The following HTRA3 variants were observed in gnomAD, a reference collection of about 807,000 sequenced individuals.
HTRA3 encodes HtrA serine peptidase 3.
In HTRA3, 41 loss-of-function variants were observed where a neutral mutation model predicts 43.2. The ratio of observed to expected loss-of-function variants is 0.95; its 90% CI spans 0.74 to 1.23. HTRA3 has a LOEUF of 1.23. HTRA3 is among the 50% of genes most tolerant of loss of function. HTRA3 has a pLI of 0.00. For synonymous variants in HTRA3, 295 were observed against 287.9 expected (o/e 1.02, Z -0.25); for missense variants, 628 against 647.1 (o/e 0.97, Z 0.32).
At chr4:8,294,345 C>G in intron 6 of HTRA3, 144 bp downstream of exon 6, 1 of 583,782 alleles carries the variant, frequency 1.7e-6, no homozygotes, top group Non-Finnish European at 3.0e-6. Context: ...GTCTGCCCAC[C>G]CCAAAGCTGT....
In HTRA3 at chr4:8,270,051, G is replaced by T; in HGVS notation, c.83G>T (p.Arg28Leu). The change falls in exon 1 of 9, where the codon CGC (arginine) becomes CTC (leucine). Residue 28 changes from arginine to leucine, a missense_variant. Coordinates refer to ENST00000307358, the MANE Select transcript of HTRA3 (RefSeq NM_053044.5). ...CCCCCTGCGGCGCCGTGTCCCGCGC[G>T]CTGCGACGTGTCGCGGTGTCCCAGC... ...REPPAAPCPA[R>L]CDVSRCPSPR... The T allele has an allele frequency of 4.8e-6, 7 of 1,459,204 alleles. No homozygotes were observed. Among genetic ancestry groups the T allele is most frequent in the Non-Finnish European group, 6.3e-6 (7 of 1,113,160 alleles). The allele number at this position is 1,459,204 out of a possible 1,614,324, so 90.4% of individuals were successfully genotyped here.
chr4:8,304,259 G>C lies in HTRA3; in HGVS notation c.1176G>C (p.Ala392=), dbSNP rs367686402. Residue 392 remains alanine, a synonymous_variant, in exon 8 of 9, where the codon GCG becomes GCC. Transcript: ENST00000307358. The part of the protein sequence containing the change: ...VSSGIYVQEV[A]PNSPSQRGGI... The stretch of plus-strand genomic sequence containing the variant: ...GTGGAATTTATGTGCAAGAGGTTGC[G>C]CCGAATTCACCTTCTCAGAGGTAGG... 2 of 1,614,102 alleles carry C rather than the reference G, an allele frequency of 1.2e-6. No individual in the cohort carries two copies. The highest frequency in any genetic ancestry group is 2.2e-5 in the South Asian group (2 of 91,072).
chr4:8,304,264 A>T lies in HTRA3; in HGVS notation c.1181A>T (p.Asn394Ile), dbSNP rs1215587965. Residue 394 changes from asparagine (N) to isoleucine (I), a missense_variant, in exon 8 of 9, where the codon AAT (asparagine) becomes ATT (isoleucine). Physicochemically the swap from Asn to Ile is moderately radical, Grantham distance 149. Transcript: ENST00000307358. ...ATTTATGTGCAAGAGGTTGCGCCGA[A>T]TTCACCTTCTCAGAGGTAGGCTCTG... The part of the protein sequence containing the change: ...SGIYVQEVAP[N>I]SPSQRGGIQD... 6.2e-7 allele frequency: 1 copy of T among 1,613,998 alleles called. No individual in the cohort carries two copies. The highest frequency in any genetic ancestry group is 8.5e-7 in the Non-Finnish European group (1 of 1,179,950).
At chr4:8,273,696 G>A (rs576518613) in intron 1 of HTRA3, among the ~76,000 whole-genome samples, 15 of 152,026 alleles carry the variant, frequency 9.9e-5, no homozygotes, top group Non-Finnish European at 1.8e-4. Flanking sequence ...GGAGCACCAC[G>A]ATGTTCAGTG....
rs145155768 is a variant in HTRA3 at position 8,297,856 on chromosome 4, G to A, written c.1051+3655G>A. Among the ~76,000 whole-genome samples the A allele has an allele frequency of 6.7e-4, 102 of 152,258 alleles. No homozygotes were observed. The highest frequency in any genetic ancestry group is 3.4e-3 in the Middle Eastern group (1 of 294). The stretch of plus-strand genomic sequence containing the variant: ...TGGGATGGACCCACCAATGTCCACA[G>A]GCAGTTCCCACTAAGAGCACCTGTC... On this transcript the variant is annotated intron_variant, in intron 6 of 8. Coordinates refer to ENST00000307358, the MANE Select transcript of HTRA3 (RefSeq NM_053044.5). This position sits in a 1 kb window ranked among gnomAD's most constrained non-coding sequence, Gnocchi z 5.8.
Position 8,269,847 on chromosome 4 carries a change from G to C in HTRA3, c.-122G>C. 1 of 320,602 alleles carries C rather than the reference G, an allele frequency of 3.1e-6. No individual in the cohort carries two copies. Among genetic ancestry groups the C allele is most frequent in the South Asian group, 1.2e-4 (1 of 8,430 alleles). The allele number at this position is 320,602 out of a possible 1,614,324, so 19.9% of individuals were successfully genotyped here. A position where few individuals can be genotyped will look rare whatever the true frequency, so the allele number is the denominator to read the frequency against. ...GCCAGCCTGAGCCACCGGCGCATGT[G>C]ACCGCGCGTCCGCCCCAGTCCCATC... On this transcript the variant is annotated 5_prime_UTR_variant, in exon 1 of 9. An upstream open reading frame in the 5' UTR loses its in-frame stop. Coordinates refer to ENST00000307358, the MANE Select transcript of HTRA3 (RefSeq NM_053044.5).
intron 1 of HTRA3, among the ~76,000 whole-genome samples, chr4:8,270,995 T>C (rs1231600551): frequency 6.6e-6 from 1 of 152,154 alleles, no homozygotes; most frequent in Non-Finnish European, 1.5e-5. Context: ...CCTTTTTCCC[T>C]GTTTGGGGTG....
chr4:8,281,130 G>A (rs1405811365), intron 1 of HTRA3, among the ~76,000 whole-genome samples: 1 of 152,234 alleles, frequency 6.6e-6, no homozygotes, highest in Non-Finnish European at 1.5e-5. Flanking sequence ...TGAATGAATT[G>A]GGATGTGCCT....
chr4:8,296,165 G>T lies in HTRA3; in HGVS notation c.1051+1964G>T. 1 of 988,938 alleles carries T rather than the reference G, an allele frequency of 1.0e-6. No individual in the cohort carries two copies. Among genetic ancestry groups the T allele is most frequent in the Non-Finnish European group, 1.2e-6 (1 of 832,342 alleles). The allele number at this position is 988,938 out of a possible 1,614,324, so 61.3% of individuals were successfully genotyped here. Reference sequence around the variant, plus strand: ...CTGAGCTGTGAGGTGGCTTTCCTTGGAAGTGGATGATAGTGTCCTCTTCCC... The same window carrying T: ...CTGAGCTGTGAGGTGGCTTTCCTTGTAAGTGGATGATAGTGTCCTCTTCCC... On this transcript the variant is annotated intron_variant, in intron 6 of 8. Coordinates refer to ENST00000307358, the MANE Select transcript of HTRA3 (RefSeq NM_053044.5). This position sits in a 1 kb window ranked among gnomAD's most constrained non-coding sequence, Gnocchi z 5.3.
At chr4:8,278,078 A>C (rs867549484) in intron 1 of HTRA3, among the ~76,000 whole-genome samples, 3 of 152,288 alleles carry the variant, frequency 2.0e-5, no homozygotes, top group Middle Eastern at 6.8e-3. Flanking sequence ...GCAGTGTACA[A>C]ACACAAGGTA....
chr4:8,291,625 AGGTG>A lies in HTRA3; in HGVS notation c.903+63_903+66del, dbSNP rs946868054. ...ATCTGTGCCCAAGACCTCAACCTCGAGGTGGTCTCTGACTCGGCTTGCCCCCCTC... is the reference window on the plus strand; with the variant it reads ...ATCTGTGCCCAAGACCTCAACCTCGAGTCTCTGACTCGGCTTGCCCCCCTC... On this transcript the variant is annotated intron_variant, in intron 4 of 8. Transcript: ENST00000307358. 2.3e-6 allele frequency: 3 copies of A among 1,330,166 alleles called. No individual in the cohort carries two copies. The African/African-American group carries it at 4.4e-5, about 20-fold the overall frequency. 82.4% of individuals were successfully genotyped at this position (1,330,166 alleles called of 1,614,324 possible). A position where few individuals can be genotyped will look rare whatever the true frequency, so the allele number is the denominator to read the frequency against.
chr4:8,278,826 G>C (rs1339625137), intron 1 of HTRA3, among the ~76,000 whole-genome samples: 1 of 152,216 alleles, frequency 6.6e-6, no homozygotes, highest in Non-Finnish European at 1.5e-5. Context: ...CCATAAAATG[G>C]GCGAGTGCTG....
At chr4:8,278,163 G>C (rs981009713) in intron 1 of HTRA3, among the ~76,000 whole-genome samples, 5 of 152,106 alleles carry the variant, frequency 3.3e-5, no homozygotes, top group Admixed American at 1.3e-4. Context: ...CCAGCACGTG[G>C]TCCTCTCTCA....
In HTRA3 at chr4:8,295,127, T is replaced by A. The variant is rs972958849; in HGVS notation, c.1051+926T>A. Among the ~76,000 whole-genome samples the A allele has an allele frequency of 6.6e-6, 1 of 151,282 alleles. No homozygotes were observed. Among genetic ancestry groups the A allele is most frequent in the Non-Finnish European group, 1.5e-5 (1 of 67,806 alleles). The stretch of plus-strand genomic sequence containing the variant: ...TCCTTCCACCCATCCACCCACCCAC[T>A]CATTCACCTGTCTACCTATCCACCC... On this transcript the variant is annotated intron_variant, in intron 6 of 8. Transcript: ENST00000307358. This position sits in a 1 kb window ranked among gnomAD's most constrained non-coding sequence, Gnocchi z 6.9.
chr4:8,301,984 C>T (rs1051621288), intron 6 of HTRA3, among the ~76,000 whole-genome samples: 6 of 152,180 alleles, frequency 3.9e-5, no homozygotes, highest in African/African-American at 7.2e-5. Flanking sequence ...CAGTGAGTTG[C>T]GTGTGCAGTG....
At chr4:8,274,475 C>A (rs149519410) in intron 1 of HTRA3, among the ~76,000 whole-genome samples, 53 of 152,364 alleles carry the variant, frequency 3.5e-4, no homozygotes, top group Middle Eastern at 6.8e-3. Context: ...CGGGCAGGGG[C>A]CTGGGCCAGT....
chr4:8,275,507 C>T (rs1712483372), intron 1 of HTRA3, among the ~76,000 whole-genome samples: 1 of 152,200 alleles, frequency 6.6e-6, no homozygotes, highest in Non-Finnish European at 1.5e-5. Context: ...GCATGGAGCC[C>T]AGAAGAGGAA....
chr4:8,272,274 T>C (rs1282385816), intron 1 of HTRA3, among the ~76,000 whole-genome samples: 1 of 152,116 alleles, frequency 6.6e-6, no homozygotes, highest in African/African-American at 2.4e-5. Flanking sequence ...GGCACAGCCA[T>C]GTAGCAGACC....
chr4:8,306,252 TG>T lies in HTRA3; in HGVS notation c.*118del. 8.7e-7 allele frequency: 1 copy of T among 1,151,388 alleles called. No individual in the cohort carries two copies. Among genetic ancestry groups the T allele is most frequent in the Non-Finnish European group, 1.2e-6 (1 of 842,096 alleles). 71.3% of individuals were successfully genotyped at this position (1,151,388 alleles called of 1,614,324 possible). ...CCTCAGCAGGGCGGCAGCCTCCTCC[TG>T]GCTGTCCGGGGCAGAGCGGAGGCTG... On this transcript the variant is annotated 3_prime_UTR_variant, in exon 9 of 9. Coordinates refer to ENST00000307358, the MANE Select transcript of HTRA3 (RefSeq NM_053044.5). This position sits in a 1 kb window ranked among gnomAD's most constrained non-coding sequence, Gnocchi z 8.9.
Sources: allele counts gnomAD v4.1 joint callset (sites outside exome capture counted in the v4.1 genomes callset), GRCh38; gene constraint gnomAD v4.1.1; non-coding constraint Gnocchi (gnomAD v3.1); transcripts MANE v1.5; gene names NCBI Gene and HGNC (gene_info 2026-07-23, HGNC 2026-07-21).